The following CNTN4 variants were observed in gnomAD, a reference collection of about 807,000 sequenced individuals.
The protein encoded by CNTN4 is contactin 4, also known as contactin-4.
Under a neutral mutation model 122.5 loss-of-function variants are expected in CNTN4, and 77 were observed. The ratio of observed to expected loss-of-function variants is 0.63; its 90% CI spans 0.52 to 0.76. The LOEUF (loss-of-function observed/expected upper bound fraction) is 0.76, where lower values mean the gene tolerates loss of function less well. Ranked by LOEUF, CNTN4 falls within the 30% of genes least tolerant of loss-of-function variation. The pLI is 0.00. For missense variants in CNTN4, 1,256 were observed against 1,259.1 expected, an observed-to-expected ratio of 1.00 and a Z score of 0.04; for synonymous variants, 512 against 447.0, an observed-to-expected ratio of 1.15 and a Z score of -1.83.
At chr3:2,823,696 C>G (rs1048984765) in intron 7 of CNTN4, among the ~76,000 whole-genome samples, 7 of 152,144 alleles carry the variant, frequency 4.6e-5, no homozygotes, top group Non-Finnish European at 2.9e-5. Context: ...ACCAAGCTCT[C>G]GTTAAATAGG....
At chr3:2,549,269 T>A (rs919037706) in intron 3 of CNTN4, among the ~76,000 whole-genome samples, 3 of 152,146 alleles carry the variant, frequency 2.0e-5, no homozygotes, top group Non-Finnish European at 4.4e-5. Flanking sequence ...GGCATCCTTG[T>A]CTTGTGCTGG....
intron 4 of CNTN4, among the ~76,000 whole-genome samples, chr3:2,692,989 T>C (rs140904244): frequency 5.9e-5 from 9 of 152,328 alleles, no homozygotes; most frequent in Admixed American, 5.9e-4. Flanking sequence ...AAGAATGTTA[T>C]GGTGAACACC....
At chr3:2,137,554 A>C (rs1559278291) in intron 2 of CNTN4, among the ~76,000 whole-genome samples, 1 of 152,326 alleles carries the variant, frequency 6.6e-6, no homozygotes, top group African/African-American at 2.4e-5. Flanking sequence ...CAGGCGATTC[A>C]CTTGCTTAAG....
intron 3 of CNTN4, among the ~76,000 whole-genome samples, chr3:2,557,926 T>A (rs2149403292): frequency 6.6e-6 from 1 of 152,318 alleles, no homozygotes; most frequent in Non-Finnish European, 1.5e-5. Flanking sequence ...TAGCTGGTCT[T>A]CTGTAGGCAA....
chr3:2,753,554 G>A (rs2090197412), intron 6 of CNTN4, among the ~76,000 whole-genome samples: 1 of 152,106 alleles, frequency 6.6e-6, no homozygotes, highest in South Asian at 2.1e-4. Context: ...GTGGGAGAAG[G>A]GACCAGCATA....
intron 13 of CNTN4, among the ~76,000 whole-genome samples, chr3:2,979,384 G>GA (rs1352176180): frequency 6.6e-6 from 1 of 151,956 alleles, no homozygotes; most frequent in African/African-American, 2.4e-5. Flanking sequence ...AAAAGAGAGA[G>GA]AAAAAAATAA....
chr3:2,294,163 G>A (rs1441044510), intron 2 of CNTN4, among the ~76,000 whole-genome samples: 2 of 152,130 alleles, frequency 1.3e-5, no homozygotes, highest in African/African-American at 2.4e-5. Context: ...CTTGTGCAGT[G>A]TTGCTTCCAC....
chr3:2,299,796 C>T (rs1211482672), intron 2 of CNTN4, among the ~76,000 whole-genome samples: 2 of 152,048 alleles, frequency 1.3e-5, no homozygotes, highest in Non-Finnish European at 2.9e-5. Flanking sequence ...AAATAAATTG[C>T]ATGGAAGTTT....
intron 14 of CNTN4, among the ~76,000 whole-genome samples, chr3:2,995,812 A>G (rs1695483036): frequency 6.6e-6 from 1 of 152,182 alleles, no homozygotes; most frequent in Non-Finnish European, 1.5e-5. Context: ...TGCAATAGAT[A>G]CTGTGGAGAG....
At chr3:2,833,634 GAAGA>G in intron 7 of CNTN4, among the ~76,000 whole-genome samples, 1 of 48,948 alleles carries the variant, frequency 2.0e-5, no homozygotes, top group Non-Finnish European at 3.1e-5. Flanking sequence ...AATAATTAAA[GAAGA>G]AAGGATGTTT....
intron 3 of CNTN4, among the ~76,000 whole-genome samples, chr3:2,544,455 G>T (rs2078158353): frequency 6.6e-6 from 1 of 152,106 alleles, no homozygotes; most frequent in Non-Finnish European, 1.5e-5. Flanking sequence ...AAAGTATGCT[G>T]TGCTAGGCAT....
intron 3 of CNTN4, among the ~76,000 whole-genome samples, chr3:2,526,263 G>C (rs2077394660): frequency 6.6e-6 from 1 of 152,052 alleles, no homozygotes; most frequent in African/African-American, 2.4e-5. Flanking sequence ...CTCTGTTTCA[G>C]AAGTTGTTAG....
At chr3:2,478,334 TTTAA>T (rs1253267306) in intron 3 of CNTN4, among the ~76,000 whole-genome samples, 2 of 152,280 alleles carry the variant, frequency 1.3e-5, no homozygotes, top group East Asian at 1.9e-4. Context: ...AGAAATGCTC[TTTAA>T]TTACTTTTTA....
At chr3:2,748,375 GTAGTGACCCTTTGTTCCATCA>G (rs1559461523) in intron 6 of CNTN4, among the ~76,000 whole-genome samples, 1 of 151,954 alleles carries the variant, frequency 6.6e-6, no homozygotes, top group Non-Finnish European at 1.5e-5. Context: ...CATGTTCTGA[GTAGTGACCCTTTGTTCCATCA>G]TATCTGAAAT....
chr3:2,357,664 A>G (rs1261936359), intron 3 of CNTN4, among the ~76,000 whole-genome samples: 2 of 152,250 alleles, frequency 1.3e-5, no homozygotes, highest in Non-Finnish European at 2.9e-5. Flanking sequence ...GGGCTAAAGG[A>G]GACTGATGAG....
chr3:3,041,384 A>T (rs959763823), intron 20 of CNTN4, among the ~76,000 whole-genome samples: 2 of 152,200 alleles, frequency 1.3e-5, no homozygotes, highest in African/African-American at 2.4e-5. Flanking sequence ...CTTCTCTTAG[A>T]TAATAGTTCA....
chr3:2,667,498 G>T (rs1412467034), intron 4 of CNTN4, among the ~76,000 whole-genome samples: 3 of 152,072 alleles, frequency 2.0e-5, no homozygotes, highest in Admixed American at 6.5e-5. Context: ...TTAGCCCTTT[G>T]TCAGATGAGT....
chr3:2,287,635 A>AAGG lies in CNTN4; in HGVS notation c.-144-51541_-144-51540insGAG, dbSNP rs777888769. ...GAAGGAGAAGGAGAAGGAGAAGGAGAAGAAGAAGAAGAAGAAGAAGAAGAA... is the reference window on the plus strand; with the variant it reads ...GAAGGAGAAGGAGAAGGAGAAGGAGAAGGAGAAGAAGAAGAAGAAGAAGAAGAA... On this transcript the variant is annotated intron_variant, in intron 2 of 24. Transcript: ENST00000418658. 8.3e-3 allele frequency among the ~76,000 whole-genome samples: 264 copies of AAGG among 31,886 alleles called. 3 individuals are homozygous for AAGG. The highest frequency in any genetic ancestry group is 0.021 in the South Asian group (15 of 714). 20.9% of individuals were successfully genotyped at this position (31,886 alleles called of 152,430 possible). A position where few individuals can be genotyped will look rare whatever the true frequency, so the allele number is the denominator to read the frequency against.
At chr3:2,769,592 G>C (rs989640666) in intron 6 of CNTN4, among the ~76,000 whole-genome samples, 1 of 152,124 alleles carries the variant, frequency 6.6e-6, no homozygotes, top group East Asian at 1.9e-4. Flanking sequence ...ATTGATGATG[G>C]TAGAAAATTG....
Sources: allele counts gnomAD v4.1 joint callset (sites outside exome capture counted in the v4.1 genomes callset), GRCh38; gene constraint gnomAD v4.1.1; transcripts MANE v1.5; gene names NCBI Gene and HGNC (gene_info 2026-07-23, HGNC 2026-07-21).